MARCHF1: variants seen among roughly 807,000 people sequenced by gnomAD.
The protein encoded by MARCHF1 is membrane associated ring-CH-type finger 1.
In MARCHF1, 40 loss-of-function variants were observed where a neutral mutation model predicts 54.2. The observed-to-expected ratio is 0.74, with a 90% CI of 0.57 to 0.96. The LOEUF is 0.96. Ranked by LOEUF, MARCHF1 falls within the 40% of genes least tolerant of loss-of-function variation. MARCHF1 has a pLI of 0.00. For synonymous variants in MARCHF1, 236 were observed against 236.3 expected, an observed-to-expected ratio of 1.00 and a Z score of 0.01; for missense variants, 586 against 656.5, an observed-to-expected ratio of 0.89 and a Z score of 1.17.
At chr4:163,982,431 C>A (rs1752781673) in intron 3 of MARCHF1, among the ~76,000 whole-genome samples, 1 of 152,144 alleles carries the variant, frequency 6.6e-6, no homozygotes, top group Non-Finnish European at 1.5e-5. Flanking sequence ...GATTGCTGTA[C>A]CCAGATCCCA....
chr4:163,790,963 T>C (rs930173610), intron 4 of MARCHF1, among the ~76,000 whole-genome samples: 1 of 152,152 alleles, frequency 6.6e-6, no homozygotes, highest in Non-Finnish European at 1.5e-5. Context: ...TACCATGTTT[T>C]CAGTTTCCTT....
chr4:164,087,522 G>C (rs550522959), intron 2 of MARCHF1, among the ~76,000 whole-genome samples: 10 of 152,222 alleles, frequency 6.6e-5, no homozygotes, highest in African/African-American at 2.4e-4. Context: ...ATAGATTAGA[G>C]TAGACTCTCA....
Position 164,188,738 on chromosome 4 carries a change from GA to G in MARCHF1, c.-322-77077del, listed in dbSNP as rs1452447278. ...CAAGTTCTTGCGGTTCAAGGTAGTT[GA>G]AAAGAAAACTAAACCATACGTTCAA... On this transcript the variant is annotated intron_variant, in intron 1 of 9. Transcript: ENST00000514618. 5.9e-6 allele frequency: 6 copies of G among 1,023,024 alleles called. No homozygotes were observed. The East Asian group carries it at 1.4e-4, about 24-fold the overall frequency. 63.4% of individuals were successfully genotyped at this position (1,023,024 alleles called of 1,614,324 possible).
intron 7 of MARCHF1, among the ~76,000 whole-genome samples, chr4:163,597,937 C>G (rs1298526003): frequency 6.6e-6 from 1 of 152,062 alleles, no homozygotes; most frequent in Non-Finnish European, 1.5e-5. Context: ...TTTTATATCC[C>G]AATACACTTA....
intron 2 of MARCHF1, among the ~76,000 whole-genome samples, chr4:164,099,506 T>G (rs1755490099): frequency 6.6e-6 from 1 of 152,164 alleles, no homozygotes; most frequent in East Asian, 1.9e-4. Flanking sequence ...AAGTCTCCCT[T>G]GTTGTCTCAG....
At chr4:164,317,318 CAGA>C (rs781781144) in intron 1 of MARCHF1, among the ~76,000 whole-genome samples, 33 of 152,154 alleles carry the variant, frequency 2.2e-4, no homozygotes, top group Non-Finnish European at 4.4e-4. Context: ...TTAAACAAGA[CAGA>C]AGTTTAATTC....
intron 5 of MARCHF1, among the ~76,000 whole-genome samples, chr4:163,617,370 T>C (rs1267792928): frequency 6.6e-6 from 1 of 152,120 alleles, no homozygotes; most frequent in Admixed American, 6.6e-5. Flanking sequence ...TTCAAAAAGC[T>C]AGAAGAGATG....
intron 1 of MARCHF1, among the ~76,000 whole-genome samples, chr4:164,288,769 G>C (rs1322403560): frequency 6.6e-6 from 1 of 152,066 alleles, no homozygotes; most frequent in African/African-American, 2.4e-5. Context: ...CGACACATGA[G>C]TGGGAGTCCT....
At chr4:164,378,799 C>T (rs1731276037) in intron 1 of MARCHF1, among the ~76,000 whole-genome samples, 1 of 152,192 alleles carries the variant, frequency 6.6e-6, no homozygotes, top group Admixed American at 6.5e-5. Flanking sequence ...GCAACCTCTG[C>T]CTCCCAGGTT....
intron 4 of MARCHF1, among the ~76,000 whole-genome samples, chr4:163,713,392 C>A (rs1251806741): frequency 6.6e-6 from 1 of 152,174 alleles, no homozygotes; most frequent in African/African-American, 2.4e-5. Context: ...ACTTGTGGTG[C>A]AATCCTAGGC....
At chr4:163,542,331 C>T (rs78452759) in intron 9 of MARCHF1, among the ~76,000 whole-genome samples, 2,538 of 152,316 alleles carry the variant, frequency 0.017, 63 homozygotes, top group African/African-American at 0.057. Flanking sequence ...TGGTCCCAGA[C>T]CAGTGTTCAG....
At chr4:164,211,146 AATG>A (rs1207017613) in intron 1 of MARCHF1, among the ~76,000 whole-genome samples, 7 of 151,952 alleles carry the variant, frequency 4.6e-5, no homozygotes, top group African/African-American at 1.4e-4. Flanking sequence ...TATCACAGAG[AATG>A]ATGATCATAG....
intron 2 of MARCHF1, among the ~76,000 whole-genome samples, chr4:164,033,721 A>T (rs1007061542): frequency 6.6e-6 from 1 of 152,228 alleles, no homozygotes; most frequent in African/African-American, 2.4e-5. Context: ...AACCACAATT[A>T]GATACCATCT....
chr4:164,197,444 A>G (rs61734694), intron 1 of MARCHF1: 3 of 1,613,532 alleles, frequency 1.9e-6, no homozygotes, highest in African/African-American at 1.3e-5. Flanking sequence ...CCACTTAAAT[A>G]TAGATGCGTG....
intron 3 of MARCHF1, among the ~76,000 whole-genome samples, chr4:163,924,094 T>C (rs529830552): frequency 6.6e-6 from 1 of 152,206 alleles, no homozygotes; most frequent in African/African-American, 2.4e-5. Context: ...CTGTGCTTGA[T>C]GCATGGAGTG....
intron 1 of MARCHF1, among the ~76,000 whole-genome samples, chr4:164,156,364 A>G (rs1460921911): frequency 6.6e-6 from 1 of 152,180 alleles, no homozygotes; most frequent in Non-Finnish European, 1.5e-5. Context: ...CAGTAGGAAA[A>G]TGGGGGAGGA....
At chr4:163,754,819 A>C (rs1042488863) in intron 4 of MARCHF1, among the ~76,000 whole-genome samples, 2 of 151,996 alleles carry the variant, frequency 1.3e-5, no homozygotes, top group Non-Finnish European at 2.9e-5. Flanking sequence ...TAATAACAGA[A>C]GGACAGACAA....
intron 5 of MARCHF1, among the ~76,000 whole-genome samples, chr4:163,680,989 A>ATGTATATATTATGTTATG (rs1331427414): frequency 7.3e-4 from 109 of 150,202 alleles, no homozygotes; most frequent in African/African-American, 2.5e-3. Context: ...AATATATGTA[A>ATGTATATATTATGTTATG]TACATTATGT....
chr4:163,771,800 T>C (rs1747169226), intron 4 of MARCHF1, among the ~76,000 whole-genome samples: 1 of 152,066 alleles, frequency 6.6e-6, no homozygotes, highest in Non-Finnish European at 1.5e-5. Context: ...CCCAGGTTAC[T>C]ATTTTCCTCA....
Sources: gnomAD v4.1 joint callset for allele counts (sites outside exome capture counted in the v4.1 genomes callset) on GRCh38, gnomAD v4.1.1 for gene constraint, MANE v1.5 for transcripts, NCBI Gene and HGNC (gene_info 2026-07-23, HGNC 2026-07-21) for gene names.